The following ZNF385D variants were observed in gnomAD, a reference collection of about 807,000 sequenced individuals.
ZNF385D encodes the protein zinc finger protein 659.
In ZNF385D, 15 loss-of-function variants were observed where a neutral mutation model predicts 35.8. The observed-to-expected ratio is 0.42, with a 90% CI of 0.28 to 0.64. The LOEUF is 0.64. ZNF385D is among the 30% of genes least tolerant of loss of function. ZNF385D has a pLI of 0.23. For missense variants in ZNF385D, 474 were observed against 494.6 expected, an observed-to-expected ratio of 0.96 and a Z score of 0.39; for synonymous variants, 212 against 186.8, an observed-to-expected ratio of 1.13 and a Z score of -1.10.
chr3:21,636,180 G>A (rs955744880), intron 2 of ZNF385D, among the ~76,000 whole-genome samples: 12 of 151,402 alleles, frequency 7.9e-5, no homozygotes, highest in Non-Finnish European at 1.2e-4. Flanking sequence ...CACCAGCAGC[G>A]TAGAAGTGTT....
chr3:21,918,812 T>A (rs971714269), intron 3 of ZNF385D, among the ~76,000 whole-genome samples: 5 of 152,204 alleles, frequency 3.3e-5, no homozygotes, highest in Non-Finnish European at 5.9e-5. Context: ...TTAGTTAAAT[T>A]TTCAGAATGA....
rs559412249 is a variant in ZNF385D, at chr3:21,416,845, A to G, written c.*4369T>C. ...GGACCCCTTCCTATTGAAGAGAGAA[A>G]GTGCAACAAAAGAAATAAGGATGAT... On this transcript the variant is annotated 3_prime_UTR_variant, in exon 8 of 8. Coordinates refer to ENST00000281523, the MANE Select transcript of ZNF385D (RefSeq NM_024697.3). 1.3e-5 allele frequency: 2 copies of G among 152,254 alleles called. No homozygotes were observed. The highest frequency in any genetic ancestry group is 1.3e-4 in the Admixed American group (2 of 15,288). The allele number at this position is 152,254 out of a possible 1,614,324, so 9.4% of individuals were successfully genotyped here.
chr3:21,685,685 C>A (rs949908487), intron 1 of ZNF385D, among the ~76,000 whole-genome samples: 1 of 152,268 alleles, frequency 6.6e-6, no homozygotes, highest in South Asian at 2.1e-4. Flanking sequence ...AGACAAAGTA[C>A]AAACCCATTA....
chr3:22,189,959 A>T (rs1438989533), intron 2 of ZNF385D, among the ~76,000 whole-genome samples: 12 of 152,072 alleles, frequency 7.9e-5, no homozygotes. Flanking sequence ...TAACCCTCAT[A>T]TTACCATCTG....
At chr3:21,470,728 C>G (rs1207744223) in intron 4 of ZNF385D, among the ~76,000 whole-genome samples, 1 of 151,968 alleles carries the variant, frequency 6.6e-6, no homozygotes, top group African/African-American at 2.4e-5. Flanking sequence ...CAGACGTGTC[C>G]TCTAGGTTTG....
intron 3 of ZNF385D, among the ~76,000 whole-genome samples, chr3:22,022,302 C>G (rs965011279): frequency 6.6e-6 from 1 of 152,012 alleles, no homozygotes; most frequent in Non-Finnish European, 1.5e-5. Context: ...ATAAGTTTAT[C>G]GTACATTAAT....
At chr3:21,750,831 G>T in intron 1 of ZNF385D, 64 bp downstream of exon 1, 1 of 1,603,790 alleles carries the variant, frequency 6.2e-7, no homozygotes, top group Non-Finnish European at 8.5e-7. Flanking sequence ...ATTTTTTAAG[G>T]GCTTGTCTGC....
chr3:22,115,623 A>G (rs1436138977), intron 3 of ZNF385D, among the ~76,000 whole-genome samples: 1 of 152,122 alleles, frequency 6.6e-6, no homozygotes, highest in Non-Finnish European at 1.5e-5. Flanking sequence ...AGTTAAAGAC[A>G]TTTTACTGGA....
intron 2 of ZNF385D, among the ~76,000 whole-genome samples, chr3:22,174,047 C>CAT (rs1694650225): frequency 6.6e-6 from 1 of 151,762 alleles, no homozygotes; most frequent in African/African-American, 2.4e-5. Context: ...CACACACACA[C>CAT]ACACAGAGAT....
chr3:22,326,657 T>G (rs1694692862), intron 2 of ZNF385D, among the ~76,000 whole-genome samples: 1 of 152,112 alleles, frequency 6.6e-6, no homozygotes, highest in Admixed American at 6.5e-5. Flanking sequence ...AGGTAACACT[T>G]AGATGGATTT....
intron 2 of ZNF385D, among the ~76,000 whole-genome samples, chr3:21,590,845 G>A (rs1177642704): frequency 1.3e-5 from 2 of 151,968 alleles, no homozygotes; most frequent in Non-Finnish European, 2.9e-5. Context: ...TATTAAATAT[G>A]TATACAGCAT....
At chr3:22,075,308 A>G (rs1450899587) in intron 3 of ZNF385D, among the ~76,000 whole-genome samples, 1 of 151,838 alleles carries the variant, frequency 6.6e-6, no homozygotes, top group Non-Finnish European at 1.5e-5. Flanking sequence ...TTCCCTAAAG[A>G]TTCCTCTCCA....
intron 2 of ZNF385D, among the ~76,000 whole-genome samples, chr3:22,193,733 T>C (rs1696217904): frequency 6.6e-6 from 1 of 152,028 alleles, no homozygotes; most frequent in Non-Finnish European, 1.5e-5. Context: ...CCAGGATAAA[T>C]ATCCTTAGGC....
intron 3 of ZNF385D, among the ~76,000 whole-genome samples, chr3:21,913,936 G>A (rs1403545619): frequency 6.6e-6 from 1 of 152,088 alleles, no homozygotes; most frequent in Admixed American, 6.6e-5. Flanking sequence ...TGCAAGCCCT[G>A]AAGTAATCAG....
chr3:21,428,883 A>T (rs1701145733), intron 5 of ZNF385D, among the ~76,000 whole-genome samples: 1 of 148,540 alleles, frequency 6.7e-6, no homozygotes, highest in African/African-American at 2.5e-5. Context: ...AGGTGAAATC[A>T]TACTCCAACC....
At chr3:22,364,252 A>G (rs1362280141) in intron 2 of ZNF385D, among the ~76,000 whole-genome samples, 1 of 152,100 alleles carries the variant, frequency 6.6e-6, no homozygotes, top group Non-Finnish European at 1.5e-5. Context: ...GACAAAAAAT[A>G]GACAAATAGG....
chr3:22,017,349 T>C (rs1274176973), intron 3 of ZNF385D, among the ~76,000 whole-genome samples: 1 of 152,072 alleles, frequency 6.6e-6, no homozygotes, highest in Non-Finnish European at 1.5e-5. Context: ...AGCAATGCTA[T>C]ACCACTGTTC....
At chr3:22,168,288 A>G (rs1038949327) in intron 3 of ZNF385D, among the ~76,000 whole-genome samples, 1 of 152,178 alleles carries the variant, frequency 6.6e-6, no homozygotes, top group Non-Finnish European at 1.5e-5. Context: ...TCATAAATTC[A>G]ACACATACTT....
chr3:22,163,142 G>A (rs959300643), intron 3 of ZNF385D, among the ~76,000 whole-genome samples: 21 of 152,076 alleles, frequency 1.4e-4, no homozygotes, highest in East Asian at 3.9e-4. Context: ...GAGAAGGAAC[G>A]AGCTCAGAGG....
Sources: gnomAD v4.1 joint callset for allele counts (sites outside exome capture counted in the v4.1 genomes callset) on GRCh38, gnomAD v4.1.1 for gene constraint, MANE v1.5 for transcripts, NCBI Gene and HGNC (gene_info 2026-07-23, HGNC 2026-07-21) for gene names.